AFAP1: variants seen among roughly 807,000 people sequenced by gnomAD.
The protein encoded by AFAP1 is actin filament associated protein 1.
Under a neutral mutation model 93.9 loss-of-function variants are expected in AFAP1, and 75 were observed. That is an observed-to-expected ratio of 0.80 (90% CI 0.66 to 0.97). The LOEUF (loss-of-function observed/expected upper bound fraction) is 0.97, where lower values mean the gene tolerates loss of function less well. AFAP1 is among the 50% of genes least tolerant of loss of function. AFAP1 has a pLI of 0.00. For synonymous variants in AFAP1, 517 were observed against 430.7 expected (o/e 1.20, Z -2.48); for missense variants, 1,201 against 1,050.8 (o/e 1.14, Z -1.98).
intron 4 of AFAP1, among the ~76,000 whole-genome samples, chr4:7,849,216 C>T (rs191025213): frequency 7.0e-4 from 106 of 152,256 alleles, no homozygotes; most frequent in Non-Finnish European, 1.3e-3. Flanking sequence ...TGGTTTCTGA[C>T]CTCACTTTTC....
At chr4:7,937,149 A>G (rs1721433094) in intron 1 of AFAP1, among the ~76,000 whole-genome samples, 3 of 152,244 alleles carry the variant, frequency 2.0e-5, no homozygotes, top group Middle Eastern at 3.2e-3. Flanking sequence ...TATGAAAGAT[A>G]TTGCCAAAAA....
rs1714120158 is a variant in AFAP1, at chr4:7,763,655, T to C, written c.*110A>G. 7.5e-7 allele frequency: 1 copy of C among 1,333,104 alleles called. No homozygotes were observed. Among genetic ancestry groups the C allele is most frequent in the Non-Finnish European group, 1.1e-6 (1 of 951,872 alleles). 82.6% of individuals were successfully genotyped at this position (1,333,104 alleles called of 1,614,324 possible). A position where few individuals can be genotyped will look rare whatever the true frequency, so the allele number is the denominator to read the frequency against. On this transcript the variant is annotated 3_prime_UTR_variant, in exon 18 of 18. Coordinates refer to ENST00000420658, the MANE Select transcript of AFAP1 (RefSeq NM_001134647.2). ...CCTCAGAGCTCAGTCGTGGAGCCTC[T>C]GGAGTCGTGCAGCTGAGGCCACTCT...
intron 9 of AFAP1, among the ~76,000 whole-genome samples, chr4:7,804,918 C>A (rs144614771): frequency 4.2e-4 from 64 of 152,328 alleles, no homozygotes; most frequent in Non-Finnish European, 8.1e-4. Context: ...CTGCTGGCAG[C>A]TGATCACAGG....
At chr4:7,913,692 G>A (rs1007253389) in intron 1 of AFAP1, among the ~76,000 whole-genome samples, 1 of 152,110 alleles carries the variant, frequency 6.6e-6, no homozygotes, top group African/African-American at 2.4e-5. Context: ...AGTCATCACT[G>A]CAAACCCCTG....
intron 11 of AFAP1, among the ~76,000 whole-genome samples, chr4:7,786,997 C>CAG (rs1285479985): frequency 6.6e-6 from 1 of 152,258 alleles, no homozygotes; most frequent in Non-Finnish European, 1.5e-5. Flanking sequence ...GAGCCGCTGA[C>CAG]AGCGGCCCGA....
At chr4:7,879,989 G>A (rs1419517958) in intron 1 of AFAP1, among the ~76,000 whole-genome samples, 1 of 151,994 alleles carries the variant, frequency 6.6e-6, no homozygotes, top group Non-Finnish European at 1.5e-5. Flanking sequence ...CACTCAAGTG[G>A]TATATCCCAC....
intron 1 of AFAP1, among the ~76,000 whole-genome samples, chr4:7,876,616 G>C (rs1000473761): frequency 2.0e-5 from 3 of 152,236 alleles, no homozygotes; most frequent in African/African-American, 7.2e-5. Flanking sequence ...CCCCGCAAGA[G>C]AGGAAGTGTC....
Position 7,763,620 on chromosome 4 carries a change from C to A in AFAP1, c.*145G>T. On this transcript the variant is annotated 3_prime_UTR_variant, in exon 18 of 18. Transcript: ENST00000420658. Reference sequence around the variant, plus strand: ...AAAGAATACAAGTGGGCCTGGGGGACAGGCACTGGCCTCAGAGCTCAGTCG... The same window carrying A: ...AAAGAATACAAGTGGGCCTGGGGGAAAGGCACTGGCCTCAGAGCTCAGTCG... 1 of 830,404 alleles carries A rather than the reference C, an allele frequency of 1.2e-6. No individual in the cohort carries two copies. The highest frequency in any genetic ancestry group is 2.0e-5 in the South Asian group (1 of 49,090). 51.4% of individuals were successfully genotyped at this position (830,404 alleles called of 1,614,324 possible). A position where few individuals can be genotyped will look rare whatever the true frequency, so the allele number is the denominator to read the frequency against.
chr4:7,780,475 T>C (rs1185763810), intron 13 of AFAP1, among the ~76,000 whole-genome samples: 2 of 152,222 alleles, frequency 1.3e-5, no homozygotes, highest in African/African-American at 4.8e-5. Context: ...TTCTTACATA[T>C]GGGCTTAGGT....
At chr4:7,789,759 C>T (rs547842347) in intron 11 of AFAP1, among the ~76,000 whole-genome samples, 10 of 152,224 alleles carry the variant, frequency 6.6e-5, no homozygotes, top group Admixed American at 6.5e-4. Flanking sequence ...ACCACCCCAT[C>T]CGTGCATCTC....
chr4:7,770,006 C>A (rs897392240), intron 16 of AFAP1, among the ~76,000 whole-genome samples: 1 of 152,144 alleles, frequency 6.6e-6, no homozygotes, highest in Non-Finnish European at 1.5e-5. Flanking sequence ...GACCCAAAGA[C>A]CTGCATCTCA....
chr4:7,907,272 T>C (rs949048905), intron 1 of AFAP1, among the ~76,000 whole-genome samples: 8 of 152,156 alleles, frequency 5.3e-5, no homozygotes, highest in African/African-American at 1.9e-4. Context: ...GCTAAACCAC[T>C]GCTTCTCCCT....
intron 16 of AFAP1, among the ~76,000 whole-genome samples, chr4:7,770,240 G>C (rs1245084214): frequency 6.6e-6 from 1 of 152,218 alleles, no homozygotes; most frequent in East Asian, 1.9e-4. Context: ...GAGGCGGGGG[G>C]TGGCAAGGCA....
intron 9 of AFAP1, among the ~76,000 whole-genome samples, chr4:7,800,863 A>G (rs537710420): frequency 6.6e-6 from 1 of 152,308 alleles, no homozygotes; most frequent in South Asian, 2.1e-4. Flanking sequence ...ATGACACCAC[A>G]CAGGCCGTAT....
chr4:7,832,763 T>C (rs1711784546), intron 6 of AFAP1, among the ~76,000 whole-genome samples: 1 of 150,372 alleles, frequency 6.7e-6, no homozygotes, highest in African/African-American at 2.4e-5. Flanking sequence ...CAAACTACAG[T>C]ATAAGGCCAT....
intron 17 of AFAP1, among the ~76,000 whole-genome samples, chr4:7,768,184 C>G (rs112114996): frequency 0.014 from 2,144 of 152,378 alleles, 39 homozygotes; most frequent in African/African-American, 0.039. Flanking sequence ...CTGTGGCTCC[C>G]CAGCTCACAC....
At chr4:7,820,645 G>A (rs559263017) in intron 6 of AFAP1, among the ~76,000 whole-genome samples, 43 of 152,238 alleles carry the variant, frequency 2.8e-4, no homozygotes, top group African/African-American at 6.5e-4. Context: ...TAAGGGAAGC[G>A]GAGAGACTAG....
At chr4:7,843,450 C>A (rs1231813676) in intron 4 of AFAP1, 100 bp from the exon 5 acceptor site, 10 of 1,122,482 alleles carry the variant, frequency 8.9e-6, no homozygotes, top group Non-Finnish European at 9.9e-6. Context: ...CACCAAGTAA[C>A]TGAATGAGAA....
intron 3 of AFAP1, among the ~76,000 whole-genome samples, chr4:7,863,269 A>T (rs1715957722): frequency 6.6e-6 from 1 of 152,142 alleles, no homozygotes; most frequent in Non-Finnish European, 1.5e-5. Flanking sequence ...AGACAAAAAA[A>T]TTAGCCAGAC....
Sources: allele counts gnomAD v4.1 joint callset (sites outside exome capture counted in the v4.1 genomes callset), GRCh38; gene constraint gnomAD v4.1.1; transcripts MANE v1.5; gene names NCBI Gene and HGNC (gene_info 2026-07-23, HGNC 2026-07-21).